Variants in ANKRD6 observed in about 807,000 individuals in gnomAD.
The protein encoded by ANKRD6 is ankyrin repeat domain 6.
In ANKRD6, 56 loss-of-function variants were observed where a neutral mutation model predicts 82.3. The ratio of observed to expected loss-of-function variants is 0.68; its 90% CI spans 0.55 to 0.85. ANKRD6 has a LOEUF of 0.85. Ranked by LOEUF, ANKRD6 falls within the 40% of genes least tolerant of loss-of-function variation. The probability of loss-of-function intolerance (pLI) is 0.00; values close to 1 mark genes in which losing one functional copy is unlikely to be tolerated. For missense variants in ANKRD6, 852 were observed against 907.6 expected (o/e 0.94, Z 0.79); for synonymous variants, 347 against 352.1 (o/e 0.99, Z 0.16).
intron 1 of ANKRD6, among the ~76,000 whole-genome samples, chr6:89,531,524 G>T (rs1050066833): frequency 1.1e-4 from 17 of 152,224 alleles, no homozygotes; most frequent in Non-Finnish European, 7.3e-5. Flanking sequence ...CATGCTGCTT[G>T]CAGCAACATC....
At chr6:89,434,587 ACCACACC>A (rs1770388222) in intron 1 of ANKRD6, among the ~76,000 whole-genome samples, 2 of 152,124 alleles carry the variant, frequency 1.3e-5, no homozygotes, top group South Asian at 4.1e-4. Context: ...GCCTGGGACC[ACCACACC>A]TGGCTAATTT....
chr6:89,609,295 G>A (rs926044693), intron 5 of ANKRD6, among the ~76,000 whole-genome samples: 2 of 152,008 alleles, frequency 1.3e-5, no homozygotes, highest in African/African-American at 4.8e-5. Flanking sequence ...TTGATGGTGT[G>A]TAATCACTTT....
intron 1 of ANKRD6, among the ~76,000 whole-genome samples, chr6:89,544,289 T>C (rs1784773966): frequency 1.3e-5 from 2 of 152,228 alleles, no homozygotes. Flanking sequence ...GCAGACCAGC[T>C]TTAGGTGTCT....
intron 1 of ANKRD6, among the ~76,000 whole-genome samples, chr6:89,563,656 C>A (rs548610270): frequency 7.9e-5 from 12 of 152,274 alleles, no homozygotes; most frequent in Non-Finnish European, 1.5e-4. Context: ...TGGTTTCACC[C>A]CTCTATTCCC....
intron 1 of ANKRD6, among the ~76,000 whole-genome samples, chr6:89,437,251 C>T (rs1470938993): frequency 5.9e-5 from 9 of 152,134 alleles, no homozygotes; most frequent in African/African-American, 2.2e-4. Context: ...CATTTCAGTT[C>T]TCTGACATAT....
intron 7 of ANKRD6, among the ~76,000 whole-genome samples, chr6:89,615,171 AAAATT>A (rs925100942): frequency 1.1e-4 from 17 of 151,234 alleles, no homozygotes; most frequent in African/African-American, 4.1e-4. Context: ...CTAAAAAAAA[AAAATT>A]AGATTGTGGT....
At chr6:89,538,185 T>G (rs1784077994) in intron 1 of ANKRD6, among the ~76,000 whole-genome samples, 1 of 152,218 alleles carries the variant, frequency 6.6e-6, no homozygotes, top group Admixed American at 6.5e-5. Context: ...CATTGGGTGA[T>G]AAATCTCTTA....
chr6:89,555,927 T>C (rs1429029583), intron 1 of ANKRD6, among the ~76,000 whole-genome samples: 1 of 152,148 alleles, frequency 6.6e-6, no homozygotes, highest in Non-Finnish European at 1.5e-5. Context: ...AGGGCAGGAC[T>C]TGAGGCAGGG....
chr6:89,591,524 G>A (rs1019702116), intron 2 of ANKRD6, among the ~76,000 whole-genome samples: 3 of 152,190 alleles, frequency 2.0e-5, no homozygotes, highest in East Asian at 1.9e-4. Flanking sequence ...TCATTCAAAG[G>A]TGCCTCTAAG....
intron 1 of ANKRD6, among the ~76,000 whole-genome samples, chr6:89,506,486 T>A (rs1779879187): frequency 6.6e-6 from 1 of 152,164 alleles, no homozygotes; most frequent in Non-Finnish European, 1.5e-5. Flanking sequence ...GGCTAATTTT[T>A]GTATTTTTAG....
chr6:89,544,175 C>T (rs1250550481), intron 1 of ANKRD6, among the ~76,000 whole-genome samples: 1 of 152,206 alleles, frequency 6.6e-6, no homozygotes, highest in Non-Finnish European at 1.5e-5. Flanking sequence ...CACTCTTGAG[C>T]CTTTTGACCT....
intron 2 of ANKRD6, 98 bp from the exon 3 acceptor site, chr6:89,595,818 C>A: frequency 4.4e-6 from 4 of 910,470 alleles, no homozygotes; most frequent in Non-Finnish European, 6.9e-6. Flanking sequence ...AGTGATCATC[C>A]GAAAGCCCCT....
chr6:89,564,501 T>C (rs1788051929), intron 1 of ANKRD6, among the ~76,000 whole-genome samples: 1 of 152,152 alleles, frequency 6.6e-6, no homozygotes, highest in African/African-American at 2.4e-5. Flanking sequence ...TAAGTGTACT[T>C]CAGTCTCAGT....
intron 15 of ANKRD6, 138 bp from the exon 16 acceptor site, chr6:89,630,295 G>A (rs1807079048): frequency 6.0e-6 from 6 of 995,122 alleles, no homozygotes; most frequent in Admixed American, 2.9e-5. Context: ...AGGCTCAGAG[G>A]AGACGTTACA....
Position 89,580,558 on chromosome 6 carries a change from C to T in ANKRD6, c.120+13462C>T, listed in dbSNP as rs542684439. Among the ~76,000 whole-genome samples, 3 of 152,068 alleles carry T rather than the reference C, an allele frequency of 2.0e-5. No homozygotes were observed. The South Asian group carries it at 6.3e-4, about 32-fold the overall frequency. ...TATACATTCATGGCCTCAAGAAACA[C>T]AGTGAGAACAGGCTCTGCACCGAGA... On this transcript the variant is annotated intron_variant, in intron 2 of 15. Coordinates refer to ENST00000339746, the MANE Select transcript of ANKRD6 (RefSeq NM_001242809.2).
rs747160750 is a variant in ANKRD6, at chr6:89,630,892, G to A, written c.2072G>A (p.Arg691Gln). ...KWYERKIEEA[R>Q]SQANQKAQQD... ...TATGAAAGGAAGATTGAAGAAGCAC[G>A]AAGCCAAGCCAATCAGAAAGCCCAG... The change falls in exon 16 of 16, where the codon CGA (arginine) becomes CAA (glutamine). Residue 691 changes from arginine to glutamine, a missense_variant. Coordinates refer to ENST00000339746, the MANE Select transcript of ANKRD6 (RefSeq NM_001242809.2). 5.6e-6 allele frequency: 9 copies of A among 1,613,270 alleles called. No individual in the cohort carries two copies. The highest frequency in any genetic ancestry group is 2.7e-5 in the African/African-American group (2 of 75,052).
rs1329547056 is a variant in ANKRD6 at position 89,566,920 on chromosome 6, G to A, written c.-57G>A. 18 of 1,548,100 alleles carry A rather than the reference G, an allele frequency of 1.2e-5. No homozygotes were observed. The highest frequency in any genetic ancestry group is 7.3e-5 in the East Asian group (3 of 40,880). ...GGTGCCAGGCCGGGCCAGTGACTTC[G>A]TGTTGAGCTGAAGGAACTTGTCTAC... On this transcript the variant is annotated 5_prime_UTR_variant, in exon 2 of 16. In the 5' UTR this introduces an upstream ATG that the reference lacks. Transcript: ENST00000339746.
chr6:89,598,027 G>A (rs1796282702), intron 3 of ANKRD6: 1 of 855,576 alleles, frequency 1.2e-6, no homozygotes, highest in South Asian at 5.3e-5. Context: ...ACCTGTCTTG[G>A]ATGGTGGGTA....
At chr6:89,482,067 C>CA (rs1312809366) in intron 1 of ANKRD6, among the ~76,000 whole-genome samples, 1 of 152,240 alleles carries the variant, frequency 6.6e-6, no homozygotes, top group Non-Finnish European at 1.5e-5. Context: ...CCTGCTCACA[C>CA]ACTCAGAAGG....
Sources: allele counts gnomAD v4.1 joint callset (sites outside exome capture counted in the v4.1 genomes callset), GRCh38; gene constraint gnomAD v4.1.1; transcripts MANE v1.5; gene names NCBI Gene and HGNC (gene_info 2026-07-23, HGNC 2026-07-21).